Variants in RPH3AL observed in about 807,000 individuals in gnomAD.
RPH3AL encodes rab effector Noc2.
In RPH3AL, 38 loss-of-function variants were observed where a neutral mutation model predicts 43.1. The ratio of observed to expected loss-of-function variants is 0.88; its 90% CI spans 0.68 to 1.15. RPH3AL has a LOEUF of 1.15. Among genes scored for constraint, RPH3AL ranks in the 50% most tolerant of loss-of-function variants. RPH3AL has a pLI of 0.00. For missense variants in RPH3AL, 462 were observed against 423.2 expected (o/e 1.09, Z -0.81); for synonymous variants, 189 against 176.3 (o/e 1.07, Z -0.57).
chr17:304,893 C>T (rs1033236838), intron 5 of RPH3AL, among the ~76,000 whole-genome samples: 2 of 141,366 alleles, frequency 1.4e-5, no homozygotes, highest in South Asian at 5.1e-4. Context: ...TCCAGCGCCA[C>T]GAGCTCCTAG....
At chr17:214,082 C>T (rs777437628) in intron 9 of RPH3AL, among the ~76,000 whole-genome samples, 159 bp from the exon 10 acceptor site, 19 of 152,184 alleles carry the variant, frequency 1.2e-4, no homozygotes, top group Admixed American at 2.0e-4. Context: ...AGACCAGCAC[C>T]GCTCTGCTCT....
Position 327,685 on chromosome 17 carries a change from G to A in RPH3AL, c.-36-106C>T, listed in dbSNP as rs535477567. 68 of 653,646 alleles carry A rather than the reference G, an allele frequency of 1.0e-4. 1 individual carries two copies. Among genetic ancestry groups the A allele is most frequent in the South Asian group, 7.9e-4 (45 of 57,142 alleles). 40.5% of individuals were successfully genotyped at this position (653,646 alleles called of 1,614,324 possible). A position where few individuals can be genotyped will look rare whatever the true frequency, so the allele number is the denominator to read the frequency against. On this transcript the variant is annotated intron_variant, in intron 2 of 9. Coordinates refer to ENST00000331302, the MANE Select transcript of RPH3AL (RefSeq NM_006987.4). ...GCCCCTCCACACCATCTCCATGCAC[G>A]ATCCCCACTGATGCCTGGAATCTCA...
At chr17:213,963 G>A in intron 9 of RPH3AL, 40 bp from the exon 10 acceptor site, 7 of 1,500,226 alleles carry the variant, frequency 4.7e-6, no homozygotes, top group Non-Finnish European at 5.5e-6. Flanking sequence ...GTGAGCAGCG[G>A]TGGAGTCCCT....
At chr17:318,079 C>T (rs73284693) in intron 5 of RPH3AL, among the ~76,000 whole-genome samples, 1 of 152,048 alleles carries the variant, frequency 6.6e-6, no homozygotes, top group African/African-American at 2.4e-5. Context: ...ATAATAACTC[C>T]AGTCTTAAAA....
intron 5 of RPH3AL, among the ~76,000 whole-genome samples, chr17:285,781 A>AGCCTGCTC (rs1349488768): frequency 6.6e-6 from 1 of 152,126 alleles, no homozygotes; most frequent in Non-Finnish European, 1.5e-5. Flanking sequence ...ACCTGCCAAC[A>AGCCTGCTC]GCCTGCTCCC....
intron 5 of RPH3AL, among the ~76,000 whole-genome samples, chr17:296,851 C>T (rs746682005): frequency 2.1e-4 from 32 of 152,296 alleles, no homozygotes; most frequent in Non-Finnish European, 1.2e-4. Context: ...AACGTCCTGC[C>T]GGAGAAGGAA....
rs748319604 is a variant in RPH3AL at position 290,038 on chromosome 17, C to T, written c.352-8184G>A. ...TGTTCACCCTCCTGCTCCCTGTGCC[C>T]GGCACAGTGACTATTTGCAGAAGAA... is the stretch of plus-strand genomic sequence containing the variant. On this transcript the variant is annotated intron_variant, in intron 5 of 9. Coordinates refer to ENST00000331302, the MANE Select transcript of RPH3AL (RefSeq NM_006987.4). The surrounding 1 kb of genome is among the most constrained non-coding windows in gnomAD (Gnocchi z 4.2). 3.3e-5 allele frequency among the ~76,000 whole-genome samples: 5 copies of T among 152,172 alleles called. No individual in the cohort carries two copies. Among genetic ancestry groups the T allele is most frequent in the African/African-American group, 9.7e-5 (4 of 41,434 alleles).
rs577265797 is a variant in RPH3AL at position 244,439 on chromosome 17, G to C, written c.613+2672C>G. ...GAGAGGGAGAGAAGGGAAGAGAATGGGGGGGGAGAGGGAGAGAAAGAACTG... is the reference window on the plus strand; with the variant it reads ...GAGAGGGAGAGAAGGGAAGAGAATGCGGGGGGAGAGGGAGAGAAAGAACTG... On this transcript the variant is annotated intron_variant, in intron 7 of 9. Transcript: ENST00000331302. Among the ~76,000 whole-genome samples, 98 of 152,018 alleles carry C rather than the reference G, an allele frequency of 6.4e-4. 1 individual carries two copies. The highest frequency in any genetic ancestry group is 2.5e-3 in the Admixed American group (38 of 15,280).
At position 321,325 on chromosome 17, in the gene RPH3AL, C is replaced by A. The variant is rs1265157352; in HGVS notation, c.168G>T (p.Leu56=). The A allele has an allele frequency of 1.9e-6, 3 of 1,611,470 alleles. No homozygotes were observed. Among genetic ancestry groups the A allele is most frequent in the East Asian group, 2.2e-5 (1 of 44,868 alleles). The part of the protein sequence containing the change: ...HLSPAEVEAI[L]QVIQRAERLD... Reference sequence around the variant, plus strand: ...GCCGCTCTGCCCTCTGGATGACCTGCAGGATGGCCTCCACCTCCGCCGGGC... The same window carrying A: ...GCCGCTCTGCCCTCTGGATGACCTGAAGGATGGCCTCCACCTCCGCCGGGC... Residue 56 remains leucine, a synonymous_variant, in exon 4 of 10, where the codon CTG becomes CTT. Transcript: ENST00000331302.
intron 8 of RPH3AL, among the ~76,000 whole-genome samples, chr17:218,189 T>C (rs2040857732): frequency 1.4e-5 from 2 of 147,502 alleles, no homozygotes; most frequent in East Asian, 2.0e-4. Flanking sequence ...AGAGCCCTTC[T>C]TCTGCGCTAA....
intron 5 of RPH3AL, among the ~76,000 whole-genome samples, chr17:301,872 C>G (rs1361620683): frequency 6.6e-6 from 1 of 152,192 alleles, no homozygotes; most frequent in African/African-American, 2.4e-5. Flanking sequence ...GTCAGTGTCT[C>G]CATCTGGAAA....
At position 213,868 on chromosome 17, in the gene RPH3AL, G is replaced by A; in HGVS notation, c.932C>T (p.Ser311Phe). The change falls in exon 10 of 10, where the codon TCC becomes TTC. Residue 311 changes from serine to phenylalanine, a missense_variant. Transcript: ENST00000331302. Reference sequence around the variant, plus strand: ...CCAGACACCTCAGCCCAGGCAGCTGGAGGGGCCTGCTGGAGCTGCGTCAGC... The same window carrying A: ...CCAGACACCTCAGCCCAGGCAGCTGAAGGGGCCTGCTGGAGCTGCGTCAGC... ...PAADAAPAGP[S>F]SCLG 3 of 1,613,622 alleles carry A rather than the reference G, an allele frequency of 1.9e-6. No individual in the cohort carries two copies. The highest frequency in any genetic ancestry group is 2.5e-6 in the Non-Finnish European group (3 of 1,179,908).
rs988132690 is a variant in RPH3AL, at chr17:225,490, G to A, written c.614-5754C>T. On this transcript the variant is annotated intron_variant, in intron 7 of 9. Transcript: ENST00000331302. This position sits in a 1 kb window ranked among gnomAD's most constrained non-coding sequence, Gnocchi z 4.4. ...CATGGGTCCCATGAAAAAGGGATAG[G>A]AGGAGGTGGGAAGGAGCCAGGGATT... 3.9e-5 allele frequency among the ~76,000 whole-genome samples: 6 copies of A among 152,160 alleles called. No homozygotes were observed. Among genetic ancestry groups the A allele is most frequent in the African/African-American group, 1.4e-4 (6 of 41,442 alleles).
intron 7 of RPH3AL, among the ~76,000 whole-genome samples, chr17:240,136 C>G (rs998823290): frequency 2.1e-4 from 31 of 149,262 alleles, no homozygotes; most frequent in African/African-American, 7.7e-4. Context: ...ACTCAGGAGG[C>G]TGAGGCAGGA....
At chr17:238,090 C>T (rs1597904488) in intron 7 of RPH3AL, among the ~76,000 whole-genome samples, 2 of 151,762 alleles carry the variant, frequency 1.3e-5, no homozygotes, top group Middle Eastern at 6.8e-3. Context: ...TTAGCTGAGA[C>T]TGAGCCACTG....
intron 5 of RPH3AL, among the ~76,000 whole-genome samples, chr17:297,473 C>G (rs1377159630): frequency 2.0e-5 from 3 of 152,160 alleles, no homozygotes; most frequent in Non-Finnish European, 4.4e-5. Flanking sequence ...GAGCCCTCGT[C>G]CTGTGGGATC....
intron 7 of RPH3AL, among the ~76,000 whole-genome samples, chr17:229,576 G>A (rs138859284): frequency 1.0e-3 from 153 of 152,346 alleles, no homozygotes; most frequent in Non-Finnish European, 1.5e-3. Flanking sequence ...CCTCAGGGAT[G>A]CCAGGCCCCT....
At chr17:223,877 C>T (rs954248280) in intron 7 of RPH3AL, among the ~76,000 whole-genome samples, 19 of 152,100 alleles carry the variant, frequency 1.2e-4, no homozygotes, top group African/African-American at 4.1e-4. Flanking sequence ...CGCAGCAGAG[C>T]GGCCAGCACA....
At chr17:304,644 C>G (rs562770767) in intron 5 of RPH3AL, among the ~76,000 whole-genome samples, 1 of 151,994 alleles carries the variant, frequency 6.6e-6, no homozygotes, top group Non-Finnish European at 1.5e-5. Flanking sequence ...AGGGCAGGCC[C>G]GAACCAGCCG....
Sources: allele counts gnomAD v4.1 joint callset (sites outside exome capture counted in the v4.1 genomes callset), GRCh38; gene constraint gnomAD v4.1.1; non-coding constraint Gnocchi (gnomAD v3.1); transcripts MANE v1.5; gene names NCBI Gene and HGNC (gene_info 2026-07-23, HGNC 2026-07-21).